The following FAF2 variants were observed in gnomAD, a reference collection of about 807,000 sequenced individuals.
FAF2 encodes the protein Fas associated factor family member 2, also known as FAS-associated factor 2.
A neutral mutation model predicts 62.3 loss-of-function variants in FAF2; 9 were observed. The ratio of observed to expected loss-of-function variants is 0.14; its 90% CI spans 0.09 to 0.25. The LOEUF (loss-of-function observed/expected upper bound fraction) is 0.25. Among genes scored for constraint, FAF2 ranks in the 10% least tolerant of loss-of-function variants. FAF2 has a pLI of 1.00. For synonymous variants in FAF2, 202 were observed against 198.0 expected (o/e 1.02, Z -0.17); for missense variants, 368 against 556.2 (o/e 0.66, Z 3.40).
Position 176,461,730 on chromosome 5 carries a change from C to T in FAF2, c.63+13260C>T, listed in dbSNP as rs528978262. Among the ~76,000 whole-genome samples, 8 of 151,872 alleles carry T rather than the reference C, an allele frequency of 5.3e-5. No homozygotes were observed. In the South Asian group the frequency reaches 6.2e-4, roughly 12 times the overall value. The stretch of plus-strand genomic sequence containing the variant: ...AGGCCTTTGTCAGATTCATAGTTTG[C>T]GAAGATTTTCTCCCATTTTGTCTGT... On this transcript the variant is annotated intron_variant, in intron 1 of 10. Transcript: ENST00000261942.
intron 9 of FAF2, 150 bp from the exon 10 acceptor site, chr5:176,499,853 T>TA: frequency 1.2e-6 from 1 of 845,290 alleles, no homozygotes; most frequent in South Asian, 1.8e-5. Flanking sequence ...AATTGTACTT[T>TA]AAATTTAGGT....
intron 10 of FAF2, among the ~76,000 whole-genome samples, chr5:176,503,267 T>C (rs911919616): frequency 4.0e-5 from 6 of 151,252 alleles, no homozygotes; most frequent in Admixed American, 2.0e-4. Flanking sequence ...TTAAAGACCT[T>C]GTGTCGGCCG....
intron 8 of FAF2, among the ~76,000 whole-genome samples, chr5:176,497,868 G>A (rs1755524755): frequency 6.6e-6 from 1 of 152,196 alleles, no homozygotes; most frequent in Non-Finnish European, 1.5e-5. Flanking sequence ...TGCAGAATCA[G>A]GCCGAGCATG....
intron 2 of FAF2, 114 bp downstream of exon 2, chr5:176,479,370 ACT>A (rs1758753952): frequency 2.4e-6 from 2 of 833,710 alleles, no homozygotes; most frequent in Non-Finnish European, 3.9e-6. Flanking sequence ...CAGAATTATG[ACT>A]CTAAAAATAA....
chr5:176,468,436 T>G (rs1213375228), intron 1 of FAF2, among the ~76,000 whole-genome samples: 1 of 151,730 alleles, frequency 6.6e-6, no homozygotes, highest in Admixed American at 6.6e-5. Context: ...TACAAAAAAT[T>G]AGGCGGGCGT....
chr5:176,473,433 T>C (rs1242020745), intron 1 of FAF2, among the ~76,000 whole-genome samples: 2 of 152,230 alleles, frequency 1.3e-5, no homozygotes, highest in African/African-American at 2.4e-5. Flanking sequence ...CAGCATGCTT[T>C]ATCACTGTCG....
At chr5:176,498,652 A>C (rs185884290) in intron 8 of FAF2, among the ~76,000 whole-genome samples, 36 of 152,270 alleles carry the variant, frequency 2.4e-4, no homozygotes, top group African/African-American at 8.7e-4. Flanking sequence ...CATTTGTTAG[A>C]ATTAGGGGAA....
chr5:176,506,484 A>T (rs758611074), intron 10 of FAF2, among the ~76,000 whole-genome samples: 7 of 152,184 alleles, frequency 4.6e-5, no homozygotes, highest in Admixed American at 6.5e-5. Context: ...CTTTGTGATT[A>T]TTTCTAAGTT....
intron 2 of FAF2, among the ~76,000 whole-genome samples, chr5:176,481,978 G>A (rs527263511): frequency 1.1e-4 from 17 of 151,976 alleles, no homozygotes; most frequent in African/African-American, 1.5e-4. Flanking sequence ...TCCCAACAGC[G>A]TTGTAGGAAG....
intron 1 of FAF2, among the ~76,000 whole-genome samples, chr5:176,450,796 G>C (rs186140926): frequency 6.6e-6 from 1 of 152,078 alleles, no homozygotes. Flanking sequence ...CTCGTGATCC[G>C]CCCTCCTCGG....
At chr5:176,493,133 G>A (rs1438190861) in intron 5 of FAF2, among the ~76,000 whole-genome samples, 2 of 152,178 alleles carry the variant, frequency 1.3e-5, no homozygotes, top group Non-Finnish European at 2.9e-5. Flanking sequence ...AGGCAAAAGG[G>A]GGTTCTATTA....
At position 176,492,448 on chromosome 5, in the gene FAF2, T is replaced by G. The variant is rs1417802881; in HGVS notation, c.483+116T>G. 4 of 1,135,114 alleles carry G rather than the reference T, an allele frequency of 3.5e-6. No individual in the cohort carries two copies. In the African/African-American group the frequency reaches 6.3e-5, roughly 18 times the overall value. 70.3% of individuals were successfully genotyped at this position (1,135,114 alleles called of 1,614,324 possible). On this transcript the variant is annotated intron_variant, in intron 5 of 10. Transcript: ENST00000261942. ...GTACTCAAAAACCTTAATTAGCTCTTCACTGCTTATAGGGGTGGGTAATAA... is the reference window on the plus strand; with the variant it reads ...GTACTCAAAAACCTTAATTAGCTCTGCACTGCTTATAGGGGTGGGTAATAA...
chr5:176,452,016 C>G (rs1383239336), intron 1 of FAF2, among the ~76,000 whole-genome samples: 1 of 145,494 alleles, frequency 6.9e-6, no homozygotes, highest in Non-Finnish European at 1.5e-5. Flanking sequence ...ATCCTCCCAC[C>G]TCAGCCTCCT....
chr5:176,460,550 G>GTC (rs1554131477), intron 1 of FAF2, among the ~76,000 whole-genome samples: 1 of 149,238 alleles, frequency 6.7e-6, no homozygotes, highest in Non-Finnish European at 1.5e-5. Flanking sequence ...GTGTGTGTGT[G>GTC]TGTATTTTTT....
At chr5:176,479,099 G>A in intron 1 of FAF2, 89 bp from the exon 2 acceptor site, 3 of 1,012,324 alleles carry the variant, frequency 3.0e-6, no homozygotes, top group East Asian at 4.8e-5. Flanking sequence ...ATTTTTTAGT[G>A]TATTTTCCTA....
rs1193996310 is a variant in FAF2 at position 176,448,400 on chromosome 5, G to A, written c.-8G>A. ...CGGACGGGTCAGGAGCGTAGAGGCG[G>A]CGGCAAAATGGCGGCGCCTGAGGAG... is the stretch of plus-strand genomic sequence containing the variant. On this transcript the variant is annotated 5_prime_UTR_variant, in exon 1 of 11. Transcript: ENST00000261942. The A allele has an allele frequency of 1.2e-6, 2 of 1,604,392 alleles. No individual in the cohort carries two copies. The highest frequency in any genetic ancestry group is 1.3e-5 in the African/African-American group (1 of 74,824).
chr5:176,501,383 T>C (rs1002312669), intron 10 of FAF2, among the ~76,000 whole-genome samples: 3 of 152,248 alleles, frequency 2.0e-5, no homozygotes, highest in Admixed American at 6.5e-5. Flanking sequence ...GGATGCACTG[T>C]AGTCAGGTGA....
At chr5:176,460,250 A>T (rs549647394) in intron 1 of FAF2, among the ~76,000 whole-genome samples, 1 of 152,212 alleles carries the variant, frequency 6.6e-6, no homozygotes, top group East Asian at 1.9e-4. Flanking sequence ...TATACCCATT[A>T]ATGGGATTGT....
intron 3 of FAF2, among the ~76,000 whole-genome samples, chr5:176,487,160 C>T (rs983254408): frequency 6.6e-6 from 1 of 152,104 alleles, no homozygotes; most frequent in African/African-American, 2.4e-5. Flanking sequence ...ATCATCAAGC[C>T]TTTTTGTGGA....
Sources: gnomAD v4.1 joint callset for allele counts (sites outside exome capture counted in the v4.1 genomes callset) on GRCh38, gnomAD v4.1.1 for gene constraint, MANE v1.5 for transcripts, NCBI Gene and HGNC (gene_info 2026-07-23, HGNC 2026-07-21) for gene names.